Variants in UGT1A9 observed in about 807,000 individuals in gnomAD.
The protein encoded by UGT1A9 is UDP-glucuronosyltransferase 1A9.
Under a neutral mutation model 45.0 loss-of-function variants are expected in UGT1A9, and 35 were observed. That is an observed-to-expected ratio of 0.78 (90% CI 0.59 to 1.03). The LOEUF is 1.03. Among genes scored for constraint, UGT1A9 ranks in the 50% least tolerant of loss-of-function variants. The probability of loss-of-function intolerance (pLI) is 0.00; values close to 1 mark genes in which losing one functional copy is unlikely to be tolerated. For missense variants in UGT1A9, 687 were observed against 666.6 expected (o/e 1.03, Z -0.34); for synonymous variants, 278 against 250.6 (o/e 1.11, Z -1.03).
intron 1 of UGT1A9, among the ~76,000 whole-genome samples, chr2:233,720,986 C>T (rs931930745): frequency 6.6e-6 from 1 of 151,446 alleles, no homozygotes; most frequent in Admixed American, 6.6e-5. Flanking sequence ...GCTGGGATTA[C>T]AGGCAAGAGC....
At chr2:233,686,369 A>G (rs760760776) in intron 1 of UGT1A9, among the ~76,000 whole-genome samples, 1 of 152,184 alleles carries the variant, frequency 6.6e-6, no homozygotes, top group Non-Finnish European at 1.5e-5. Flanking sequence ...TACTATCAAG[A>G]GAATGAAAAG....
At chr2:233,756,340 T>C (rs1696187802) in intron 1 of UGT1A9, 1 of 152,248 alleles carries the variant, frequency 6.6e-6, no homozygotes, top group Non-Finnish European at 1.5e-5. Flanking sequence ...AGTCATCTCT[T>C]GATTACTTTT....
chr2:233,675,826 T>C (rs1449220181), intron 1 of UGT1A9, among the ~76,000 whole-genome samples: 2 of 152,194 alleles, frequency 1.3e-5, no homozygotes, highest in Admixed American at 1.3e-4. Context: ...TGTCATTCCA[T>C]CACTGAACAA....
chr2:233,743,959 C>G (rs371517697), intron 1 of UGT1A9: 3 of 1,333,990 alleles, frequency 2.2e-6, no homozygotes, highest in Admixed American at 2.0e-5. Flanking sequence ...GCACAGCGAG[C>G]GGCAAGGCTG....
At chr2:233,717,985 CAG>C in intron 1 of UGT1A9, 1 of 441,518 alleles carries the variant, frequency 2.3e-6, no homozygotes, top group Non-Finnish European at 4.5e-6. Flanking sequence ...AAGAGGAATT[CAG>C]ACTGTGCAAG....
chr2:233,762,332 G>A (rs1219389656), intron 1 of UGT1A9, among the ~76,000 whole-genome samples: 1 of 152,156 alleles, frequency 6.6e-6, no homozygotes, highest in Non-Finnish European at 1.5e-5. Flanking sequence ...ATCCACAATA[G>A]CTCTTTTTAG....
chr2:233,715,759 G>A (rs893076228), intron 1 of UGT1A9, among the ~76,000 whole-genome samples: 9 of 152,150 alleles, frequency 5.9e-5, no homozygotes, highest in South Asian at 2.1e-4. Context: ...GTGACAGAGC[G>A]AGGACCCATC....
At chr2:233,702,524 C>A (rs2075691177) in intron 1 of UGT1A9, among the ~76,000 whole-genome samples, 1 of 152,076 alleles carries the variant, frequency 6.6e-6, no homozygotes, top group Non-Finnish European at 1.5e-5. Context: ...AGAGGAGATT[C>A]TTATCTTGTT....
At chr2:233,733,599 G>A (rs2078419468) in intron 1 of UGT1A9, among the ~76,000 whole-genome samples, 1 of 152,146 alleles carries the variant, frequency 6.6e-6, no homozygotes, top group Non-Finnish European at 1.5e-5. Context: ...TTTATGTGAT[G>A]GATTACATTT....
At chr2:233,738,975 T>A (rs1575626869) in intron 1 of UGT1A9, 1 of 152,266 alleles carries the variant, frequency 6.6e-6, no homozygotes, top group South Asian at 2.1e-4. Flanking sequence ...CACTGCTGTG[T>A]GCAGCCTCAG....
At chr2:233,754,520 T>C in intron 1 of UGT1A9, 1 of 365,678 alleles carries the variant, frequency 2.7e-6, no homozygotes, top group East Asian at 7.3e-5. Flanking sequence ...CAGATGTGCT[T>C]AAAGGCAAAT....
chr2:233,684,980 T>C (rs1041561505), intron 1 of UGT1A9, among the ~76,000 whole-genome samples: 8 of 152,200 alleles, frequency 5.3e-5, no homozygotes, highest in Non-Finnish European at 1.2e-4. Flanking sequence ...TGCTTGATGA[T>C]GCAGTGTGTG....
intron 1 of UGT1A9, chr2:233,747,693 C>T: frequency 6.2e-7 from 1 of 1,611,232 alleles, no homozygotes; most frequent in South Asian, 1.1e-5. Flanking sequence ...TGGGGCAGTG[C>T]TGGCTAAGTA....
At chr2:233,699,007 A>C (rs575733122) in intron 1 of UGT1A9, among the ~76,000 whole-genome samples, 1 of 152,358 alleles carries the variant, frequency 6.6e-6, no homozygotes, top group South Asian at 2.1e-4. Context: ...CTGTAAGAAC[A>C]TGAGAGGCTG....
At chr2:233,734,961 G>T (rs2078591485) in intron 1 of UGT1A9, among the ~76,000 whole-genome samples, 1 of 152,202 alleles carries the variant, frequency 6.6e-6, no homozygotes, top group South Asian at 2.1e-4. Flanking sequence ...GAATAAGTGT[G>T]ATGTGGTGCT....
rs1206832619 is a variant in UGT1A9, at chr2:233,672,137, G to A, written c.203G>A (p.Arg68Lys). The A allele has an allele frequency of 6.2e-7, 1 of 1,614,194 alleles. No homozygotes were observed. The highest frequency in any genetic ancestry group is 8.5e-7 in the Non-Finnish European group (1 of 1,180,016). The change falls in exon 1 of 5, where the codon AGA becomes AAA. Residue 68 changes from arginine (R) to lysine (K), a missense_variant. By Grantham distance (26) the Arg-to-Lys change is conservative (BLOSUM62 2). Coordinates refer to ENST00000354728, the MANE Select transcript of UGT1A9 (RefSeq NM_021027.3). ...VMPEVSWQLG[R>K]SLNCTVKTYS... ...CCAGAGGTGAGTTGGCAACTGGGAAGATCACTGAATTGCACAGTGAAGACT... is the reference window on the plus strand; with the variant it reads ...CCAGAGGTGAGTTGGCAACTGGGAAAATCACTGAATTGCACAGTGAAGACT...
At chr2:233,731,107 A>G (rs1222432137) in intron 1 of UGT1A9, among the ~76,000 whole-genome samples, 2 of 151,962 alleles carry the variant, frequency 1.3e-5, no homozygotes, top group Admixed American at 6.6e-5. Flanking sequence ...CTTTTTTATA[A>G]ATGTAGGTAT....
chr2:233,672,253 T>G lies in UGT1A9; in HGVS notation c.319T>G (p.Ser107Ala). The change falls in exon 1 of 5, where the codon TCT (serine) becomes GCT (alanine). Residue 107 changes from serine (S) to alanine (A), a missense_variant. Transcript: ENST00000354728. ...QWKAQVRSIY[S>A]LLMGSYNDIF... ...GAAAGCACAAGTACGAAGTATATAT[T>G]CTCTATTAATGGGTTCATACAATGA... 6.2e-7 allele frequency: 1 copy of G among 1,614,200 alleles called. No homozygotes were observed. The highest frequency in any genetic ancestry group is 8.5e-7 in the Non-Finnish European group (1 of 1,180,022).
At chr2:233,712,095 A>G (rs1426604631) in intron 1 of UGT1A9, among the ~76,000 whole-genome samples, 2 of 152,252 alleles carry the variant, frequency 1.3e-5, no homozygotes, top group African/African-American at 2.4e-5. Flanking sequence ...ATGAATGGAC[A>G]CTTCAGTCTC....
Sources: gnomAD v4.1 joint callset for allele counts (sites outside exome capture counted in the v4.1 genomes callset) on GRCh38, gnomAD v4.1.1 for gene constraint, MANE v1.5 for transcripts, NCBI Gene and HGNC (gene_info 2026-07-23, HGNC 2026-07-21) for gene names.